Variants in GRIA3 observed in about 807,000 individuals in gnomAD.
GRIA3 encodes the protein glutamate receptor 3.
A neutral mutation model predicts 63.0 loss-of-function variants in GRIA3; 3 were observed. The observed-to-expected ratio is 0.05, with a 90% confidence interval of 0.02 to 0.12. The LOEUF (loss-of-function observed/expected upper bound fraction) is 0.12. Among genes scored for constraint, GRIA3 ranks in the 10% least tolerant of loss-of-function variants. The pLI, the probability that GRIA3 is intolerant of heterozygous loss-of-function variation, is 1.00. For missense variants in GRIA3, 347 were observed against 700.9 expected (o/e 0.50, Z 5.70); for synonymous variants, 274 against 257.9 (o/e 1.06, Z -0.60).
At chrX:123,248,042 T>A (rs1279203070) in intron 2 of GRIA3, among the ~76,000 whole-genome samples, 2 of 112,651 alleles carry the variant, frequency 1.8e-5, no homozygotes, top group Non-Finnish European at 3.7e-5. Context: ...CAAAAAATAT[T>A]TGATGAATGA....
chrX:123,482,759 G>T (rs772533047), intron 14 of GRIA3, 40 bp from the exon 15 acceptor site: 1 of 1,202,632 alleles, frequency 8.3e-7, no homozygotes, highest in South Asian at 1.8e-5. Context: ...CATTGCCTTT[G>T]TTTTCCCCAA....
At chrX:123,276,167 C>A (rs1300029166) in intron 3 of GRIA3, among the ~76,000 whole-genome samples, 1 of 111,591 alleles carries the variant, frequency 9.0e-6, no homozygotes, top group Non-Finnish European at 1.9e-5. Flanking sequence ...TGAATGGGTG[C>A]AATTTTTCTC....
intron 2 of GRIA3, among the ~76,000 whole-genome samples, chrX:123,202,031 T>G (rs1186301892): frequency 8.9e-6 from 1 of 112,238 alleles, no homozygotes; most frequent in African/African-American, 3.2e-5. Flanking sequence ...GAAAACTCGG[T>G]ATAGTAGATG....
In GRIA3 at chrX:123,231,304, T is replaced by C. The variant is rs112804913; in HGVS notation, c.269-21999T>C. Among the ~76,000 whole-genome samples, 410 of 111,504 alleles carry C rather than the reference T, an allele frequency of 3.7e-3. 3 individuals are homozygous for C. The highest frequency in any genetic ancestry group is 0.012 in the African/African-American group (379 of 30,741). On this transcript the variant is annotated intron_variant, in intron 2 of 15. Coordinates refer to ENST00000620443, the MANE Select transcript of GRIA3 (RefSeq NM_007325.5). ...AACCTTAGAGATCATTGGATTCTCA[T>C]TTTTCAGGTGAGGAAATTAAAGCTC...
intron 11 of GRIA3, among the ~76,000 whole-genome samples, chrX:123,424,501 G>T (rs774608915): frequency 4.5e-5 from 5 of 111,687 alleles, no homozygotes; most frequent in South Asian, 7.4e-4. Context: ...AATGTTGAAT[G>T]CAAGCTTGTG....
At chrX:123,252,595 G>T (rs958117838) in intron 2 of GRIA3, among the ~76,000 whole-genome samples, 2 of 111,583 alleles carry the variant, frequency 1.8e-5, no homozygotes, top group South Asian at 3.8e-4. Context: ...TGTGAGGGGG[G>T]TGTGAAAATT....
rs555677864 is a variant in GRIA3 at position 123,470,710 on chromosome X, C to T, written c.2324+5598C>T. On this transcript the variant is annotated intron_variant, in intron 13 of 15. Coordinates refer to ENST00000620443, the MANE Select transcript of GRIA3 (RefSeq NM_007325.5). ...ATCTTCAGTTTTGTGTGTATTTCTT[C>T]TTCTTCCATGTATGTCTACAATTCT... is the stretch of plus-strand genomic sequence containing the variant. Among the ~76,000 whole-genome samples the T allele has an allele frequency of 7.6e-4, 85 of 111,975 alleles. 1 individual carries two copies. In the South Asian group the frequency reaches 0.032, roughly 42 times the overall value.
chrX:123,337,617 T>C (rs774195732), intron 4 of GRIA3, among the ~76,000 whole-genome samples: 6 of 111,638 alleles, frequency 5.4e-5, no homozygotes, highest in Non-Finnish European at 1.1e-4. Flanking sequence ...AAAACCAAAA[T>C]AGAGTGTGAC....
chrX:123,205,485 T>C (rs773919028), intron 2 of GRIA3, among the ~76,000 whole-genome samples: 2 of 112,357 alleles, frequency 1.8e-5, no homozygotes, highest in Non-Finnish European at 3.8e-5. Context: ...CCACTGTAGC[T>C]GACAATGTTC....
intron 3 of GRIA3, among the ~76,000 whole-genome samples, chrX:123,309,619 G>A (rs781721828): frequency 1.8e-5 from 2 of 111,939 alleles, no homozygotes; most frequent in East Asian, 2.8e-4. Flanking sequence ...ATGATTTTGT[G>A]GTTTTGATCC....
At chrX:123,208,131 C>T (rs1455818290) in intron 2 of GRIA3, among the ~76,000 whole-genome samples, 1 of 112,648 alleles carries the variant, frequency 8.9e-6, no homozygotes, top group African/African-American at 3.2e-5. Flanking sequence ...AGCCTCTAGT[C>T]GGAAGGGGCT....
intron 2 of GRIA3, among the ~76,000 whole-genome samples, chrX:123,223,414 C>T (rs1315272667): frequency 8.9e-6 from 1 of 112,784 alleles, no homozygotes; most frequent in Non-Finnish European, 1.9e-5. Context: ...TTTTCTTAAC[C>T]TGTCAAAACA....
intron 6 of GRIA3, among the ~76,000 whole-genome samples, chrX:123,398,279 C>T (rs186955054): frequency 5.1e-4 from 57 of 112,152 alleles, no homozygotes; most frequent in African/African-American, 1.8e-3. Flanking sequence ...TTAGGATGTG[C>T]TGTTTCCTCT....
chrX:123,360,096 C>A lies in GRIA3; in HGVS notation c.750+5133C>A, dbSNP rs188841684. 9.7e-4 allele frequency among the ~76,000 whole-genome samples: 109 copies of A among 111,841 alleles called. 1 individual carries two copies. Among genetic ancestry groups the A allele is most frequent in the African/African-American group, 3.3e-3 (103 of 30,802 alleles). ...TGAGGAGAGACTTCTTGCCCACCCA[C>A]CTTCCTAAGCCTTTTACATATCAGA... On this transcript the variant is annotated intron_variant, in intron 5 of 15. Transcript: ENST00000620443.
chrX:123,433,108 T>A (rs1427247396), intron 12 of GRIA3, among the ~76,000 whole-genome samples: 3 of 112,086 alleles, frequency 2.7e-5, no homozygotes, highest in Non-Finnish European at 5.6e-5. Context: ...TTATGAGAAC[T>A]TAAATGCTCT....
At chrX:123,266,845 T>C (rs773852112) in intron 3 of GRIA3, among the ~76,000 whole-genome samples, 1 of 110,810 alleles carries the variant, frequency 9.0e-6, no homozygotes, top group East Asian at 2.9e-4. Context: ...TACTTTTCCT[T>C]TTTTTAGCAC....
At chrX:123,409,306 G>A (rs959222838) in intron 10 of GRIA3, among the ~76,000 whole-genome samples, 8 of 112,218 alleles carry the variant, frequency 7.1e-5, no homozygotes, top group African/African-American at 2.6e-4. Context: ...AGATTTCAGT[G>A]TCAGTCATAA....
chrX:123,424,458 C>A (rs1343973641), intron 11 of GRIA3, among the ~76,000 whole-genome samples: 1 of 111,804 alleles, frequency 8.9e-6, no homozygotes, highest in East Asian at 2.8e-4. Flanking sequence ...TCCATCAAAT[C>A]TTTTGTCTAA....
At chrX:123,229,998 A>G (rs1195049124) in intron 2 of GRIA3, among the ~76,000 whole-genome samples, 2 of 111,852 alleles carry the variant, frequency 1.8e-5, no homozygotes, top group African/African-American at 3.2e-5. Context: ...GGGGGAAGTC[A>G]GCATGCTAAA....
Sources: allele counts gnomAD v4.1 joint callset (sites outside exome capture counted in the v4.1 genomes callset), GRCh38; gene constraint gnomAD v4.1.1; transcripts MANE v1.5; gene names NCBI Gene and HGNC (gene_info 2026-07-23, HGNC 2026-07-21).